GNG4: variants seen among roughly 807,000 people sequenced by gnomAD.
The protein encoded by GNG4 is guanine nucleotide-binding protein G(I)/G(S)/G(O) subunit gamma-4.
Under a neutral mutation model 5.8 loss-of-function variants are expected in GNG4, and 4 were observed. The ratio of observed to expected loss-of-function variants is 0.69; its 90% CI spans 0.34 to 1.57. The LOEUF (loss-of-function observed/expected upper bound fraction) is 1.57. GNG4 is among the 40% of genes most tolerant of loss of function. The probability of loss-of-function intolerance (pLI) is 0.06; values close to 1 mark genes in which losing one functional copy is unlikely to be tolerated. For synonymous variants in GNG4, 29 were observed against 32.9 expected (o/e 0.88, Z 0.41); for missense variants, 96 against 95.1 (o/e 1.01, Z -0.04).
At chr1:235,564,057 A>G (rs562861074) in intron 3 of GNG4, among the ~76,000 whole-genome samples, 100 of 152,362 alleles carry the variant, frequency 6.6e-4, no homozygotes, top group African/African-American at 2.4e-3. Flanking sequence ...AAAATGTAGT[A>G]TATATACACC....
chr1:235,560,888 G>A (rs1558474007), intron 3 of GNG4, among the ~76,000 whole-genome samples: 1 of 152,200 alleles, frequency 6.6e-6, no homozygotes, highest in Non-Finnish European at 1.5e-5. Context: ...TCTAATAGGT[G>A]TGTAGTGGTA....
chr1:235,594,284 G>C (rs199710580), intron 2 of GNG4, among the ~76,000 whole-genome samples: 17 of 152,286 alleles, frequency 1.1e-4, no homozygotes, highest in African/African-American at 3.6e-4. Flanking sequence ...GCTAGATACA[G>C]AGTGCCGATT....
At chr1:235,556,630 C>T (rs1404087975) in intron 3 of GNG4, among the ~76,000 whole-genome samples, 3 of 150,268 alleles carry the variant, frequency 2.0e-5, no homozygotes, top group Non-Finnish European at 3.0e-5. Context: ...CCGTCCCCAA[C>T]GTTTTCGGCA....
rs1254708939 is a variant in GNG4 at position 235,565,371 on chromosome 1, A to G, written c.100-13134T>C. On this transcript the variant is annotated intron_variant, in intron 3 of 3. Coordinates refer to ENST00000391854, the MANE Select transcript of GNG4 (RefSeq NM_001098722.2). The stretch of plus-strand genomic sequence containing the variant: ...CAAAAATTAGCCGGGCATGGTGGTG[A>G]TGGGCGCCTGTAATCCCAACTACTC... Among the ~76,000 whole-genome samples the G allele has an allele frequency of 2.0e-5, 3 of 152,072 alleles. No homozygotes were observed. The East Asian group carries it at 5.8e-4, about 29-fold the overall frequency.
rs368792803 is a variant in GNG4 at position 235,575,949 on chromosome 1, T to C, written c.99+7791A>G. Among the ~76,000 whole-genome samples the C allele has an allele frequency of 6.5e-4, 99 of 152,316 alleles. 1 individual carries two copies. Among genetic ancestry groups the C allele is most frequent in the African/African-American group, 2.0e-3 (85 of 41,582 alleles). On this transcript the variant is annotated intron_variant, in intron 3 of 3. Coordinates refer to ENST00000391854, the MANE Select transcript of GNG4 (RefSeq NM_001098722.2). ...AACTCTGCATTGTGGCTGTGCAGGC[T>C]GGCTTCAGACACTGTTTTCTCCAGT...
intron 1 of GNG4, among the ~76,000 whole-genome samples, chr1:235,613,374 G>A (rs1031775613): frequency 1.3e-5 from 2 of 152,180 alleles, no homozygotes; most frequent in African/African-American, 4.8e-5. Flanking sequence ...CCCAGAACCT[G>A]TGAACATGAT....
At chr1:235,594,386 C>A (rs561764440) in intron 2 of GNG4, among the ~76,000 whole-genome samples, 1 of 152,356 alleles carries the variant, frequency 6.6e-6, no homozygotes, top group African/African-American at 2.4e-5. Context: ...TGGATCCCAT[C>A]TGGGGCCACA....
At chr1:235,628,602 G>T (rs1158462606) in intron 1 of GNG4, among the ~76,000 whole-genome samples, 1 of 152,134 alleles carries the variant, frequency 6.6e-6, no homozygotes, top group African/African-American at 2.4e-5. Context: ...ACAGATACCT[G>T]GTCCTGTGTA....
intron 1 of GNG4, among the ~76,000 whole-genome samples, chr1:235,622,657 G>A (rs373609517): frequency 8.5e-5 from 13 of 152,086 alleles, no homozygotes; most frequent in Non-Finnish European, 1.6e-4. Context: ...TCAGCAGTTC[G>A]ATCACCTGAG....
intron 1 of GNG4, chr1:235,616,264 G>C: frequency 2.1e-6 from 1 of 487,082 alleles, no homozygotes; most frequent in South Asian, 1.6e-5. Flanking sequence ...TCCCTGAGAC[G>C]AATGAGGTCT....
chr1:235,604,856 T>C (rs1047708496), intron 1 of GNG4, among the ~76,000 whole-genome samples: 1 of 152,080 alleles, frequency 6.6e-6, no homozygotes, highest in Non-Finnish European at 1.5e-5. Flanking sequence ...AAGAATCAGA[T>C]TTTGTTGTTG....
chr1:235,615,889 G>A, intron 1 of GNG4: 1 of 279,304 alleles, frequency 3.6e-6, no homozygotes, highest in Non-Finnish European at 7.0e-6. Context: ...GGTTCTGCAG[G>A]CTCCCCAGAG....
At chr1:235,607,193 C>A (rs970086747) in intron 1 of GNG4, among the ~76,000 whole-genome samples, 2 of 152,070 alleles carry the variant, frequency 1.3e-5, no homozygotes, top group African/African-American at 4.8e-5. Context: ...ATGATCCCCC[C>A]GCCTTGGCCT....
At chr1:235,592,125 G>A (rs1473846940) in intron 2 of GNG4, among the ~76,000 whole-genome samples, 1 of 152,132 alleles carries the variant, frequency 6.6e-6, no homozygotes, top group Admixed American at 6.5e-5. Flanking sequence ...TCAGAAACCC[G>A]GCCCCCTACG....
chr1:235,616,083 T>C, intron 1 of GNG4: 1 of 406,706 alleles, frequency 2.5e-6, no homozygotes, highest in Non-Finnish European at 4.8e-6. Flanking sequence ...CATGACTTTG[T>C]CATCCTGCTT....
chr1:235,597,594 G>C (rs1344333408), intron 1 of GNG4, among the ~76,000 whole-genome samples: 13,140 of 92,672 alleles, frequency 0.14, 1,329 homozygotes, highest in Middle Eastern at 0.24. Flanking sequence ...TTTGCTGTGT[G>C]TGTGTGTGTG....
At chr1:235,597,628 G>GTGTGTGTGTA (rs772061855) in intron 1 of GNG4, among the ~76,000 whole-genome samples, 81 of 72,484 alleles carry the variant, frequency 1.1e-3, no homozygotes, top group Middle Eastern at 8.3e-3. Flanking sequence ...GTGTGTGTGT[G>GTGTGTGTGTA]TATTTTTTTT....
At chr1:235,596,209 TACACACACAC>T (rs59527448) in intron 1 of GNG4, among the ~76,000 whole-genome samples, 28 of 133,546 alleles carry the variant, frequency 2.1e-4, no homozygotes, top group East Asian at 4.8e-4. Context: ...ACAAACAAAA[TACACACACAC>T]ACACACACAC....
At chr1:235,590,166 G>C (rs1687923144) in intron 2 of GNG4, among the ~76,000 whole-genome samples, 1 of 152,190 alleles carries the variant, frequency 6.6e-6, no homozygotes, top group African/African-American at 2.4e-5. Context: ...GCTTAAGAAG[G>C]TGGAGAGGCT....
Sources: gnomAD v4.1 joint callset for allele counts (sites outside exome capture counted in the v4.1 genomes callset) on GRCh38, gnomAD v4.1.1 for gene constraint, MANE v1.5 for transcripts, NCBI Gene and HGNC (gene_info 2026-07-23, HGNC 2026-07-21) for gene names.